The following NR2C1 variants were observed in gnomAD, a reference collection of about 807,000 sequenced individuals.
NR2C1 encodes nuclear receptor subfamily 2 group C member 1, also known as TR2 nuclear hormone receptor.
Under a neutral mutation model 74.8 loss-of-function variants are expected in NR2C1, and 33 were observed. The ratio of observed to expected loss-of-function variants is 0.44; its 90% CI spans 0.33 to 0.59. The LOEUF is 0.59. Ranked by LOEUF, NR2C1 falls within the 20% of genes least tolerant of loss-of-function variation. NR2C1 has a pLI of 0.02. For synonymous variants in NR2C1, 225 were observed against 240.6 expected (o/e 0.94, Z 0.60); for missense variants, 568 against 715.6 (o/e 0.79, Z 2.35).
chr12:95,043,773 A>G (rs1377806875), intron 9 of NR2C1, among the ~76,000 whole-genome samples: 1 of 152,178 alleles, frequency 6.6e-6, no homozygotes, highest in African/African-American at 2.4e-5. Context: ...AACACTGGAT[A>G]TAATGGTTTT....
chr12:95,039,483 A>G (rs958219548), intron 10 of NR2C1, among the ~76,000 whole-genome samples: 1 of 152,170 alleles, frequency 6.6e-6, no homozygotes, highest in African/African-American at 2.4e-5. Context: ...CTTTCTAACT[A>G]TGGGCTTAAC....
chr12:95,063,759 G>C (rs11611790), intron 2 of NR2C1, among the ~76,000 whole-genome samples: 2 of 152,114 alleles, frequency 1.3e-5, no homozygotes, highest in African/African-American at 4.8e-5. Flanking sequence ...GCCGGGTGCA[G>C]TGGCTCACGC....
At chr12:95,063,798 G>A (rs1399425947) in intron 2 of NR2C1, among the ~76,000 whole-genome samples, 1 of 152,180 alleles carries the variant, frequency 6.6e-6, no homozygotes, top group East Asian at 1.9e-4. Context: ...GGGAGGCTGA[G>A]GCAGGTGGAT....
At chr12:95,053,723 C>CA (rs1873397956) in intron 7 of NR2C1, among the ~76,000 whole-genome samples, 2 of 120,232 alleles carry the variant, frequency 1.7e-5, no homozygotes, top group Non-Finnish European at 3.2e-5. Context: ...CTTACTCTGT[C>CA]GCCAGGCTGG....
chr12:95,069,974 G>C (rs1488717768), intron 1 of NR2C1, among the ~76,000 whole-genome samples: 1 of 152,192 alleles, frequency 6.6e-6, no homozygotes, highest in Non-Finnish European at 1.5e-5. Flanking sequence ...ACCCTGAAGA[G>C]ATGAGAAAGA....
Position 95,033,049 on chromosome 12 carries a change from T to G in NR2C1, c.1254-1561A>C, listed in dbSNP as rs572174015. On this transcript the variant is annotated intron_variant, in intron 10 of 13. Transcript: ENST00000333003. ...CTCAGGAGGGTTGAGGTGGGAGGAC[T>G]GCTTGAGGCCAGGAGTTTGAAGGGG... is the stretch of plus-strand genomic sequence containing the variant. Among the ~76,000 whole-genome samples the G allele has an allele frequency of 5.3e-5, 8 of 151,628 alleles. 1 individual carries two copies. The East Asian group carries it at 1.6e-3, about 29-fold the overall frequency.
At chr12:95,045,672 A>G (rs1171230285) in intron 9 of NR2C1, among the ~76,000 whole-genome samples, 1 of 152,176 alleles carries the variant, frequency 6.6e-6, no homozygotes, top group African/African-American at 2.4e-5. Context: ...AATTTTAGAA[A>G]TAAGTATATG....
rs79760875 is a variant in NR2C1 at position 95,059,986 on chromosome 12, T to TAAAAAAAAAAAAAAAAAAAAAAAAAAAAA, written c.286-3_286-2insTTTTTTTTTTTTTTTTTTTTTTTTTTTTT. On this transcript the variant is annotated splice_region_variant and splice_polypyrimidine_tract_variant and intron_variant, in intron 3 of 13. Coordinates refer to ENST00000333003, the MANE Select transcript of NR2C1 (RefSeq NM_003297.4). Reference sequence around the variant, plus strand: ...GTCTGGAGAATTATCTGTTAGGAGCTAAAAAAAAAAAAAAAAAAAAAGAAA... The same window carrying TAAAAAAAAAAAAAAAAAAAAAAAAAAAAA: ...GTCTGGAGAATTATCTGTTAGGAGCTAAAAAAAAAAAAAAAAAAAAAAAAAAAAAAAAAAAAAAAAAAAAAAAAAAGAAA... 1.1e-6 allele frequency: 1 copy of TAAAAAAAAAAAAAAAAAAAAAAAAAAAAA among 943,894 alleles called. No homozygotes were observed. The allele number at this position is 943,894 out of a possible 1,614,324, so 58.5% of individuals were successfully genotyped here.
intron 9 of NR2C1, among the ~76,000 whole-genome samples, chr12:95,044,866 A>C (rs1206835645): frequency 6.6e-6 from 1 of 152,114 alleles, no homozygotes; most frequent in African/African-American, 2.4e-5. Flanking sequence ...TGGGCTATAG[A>C]GCCAGTCTGT....
chr12:95,056,910 G>T (rs571430130), intron 7 of NR2C1, among the ~76,000 whole-genome samples: 1 of 146,606 alleles, frequency 6.8e-6, no homozygotes, highest in African/African-American at 2.5e-5. Context: ...AGTGAGCCGA[G>T]ACTGTGCCAC....
chr12:95,062,786 T>A, intron 2 of NR2C1, 48 bp from the exon 3 acceptor site: 1 of 1,406,518 alleles, frequency 7.1e-7, no homozygotes, highest in Non-Finnish European at 1.0e-6. Context: ...AATTTTTCTT[T>A]AATGACACAA....
chr12:95,045,965 G>C (rs986340601), intron 9 of NR2C1, among the ~76,000 whole-genome samples: 3 of 151,932 alleles, frequency 2.0e-5, no homozygotes, highest in African/African-American at 7.3e-5. Flanking sequence ...TCAGCCTCCT[G>C]AGTAGCTGGG....
chr12:95,051,755 A>G lies in NR2C1; in HGVS notation c.965+7T>C, dbSNP rs1038006083. ...AAAAGGACATTGATAATCAAAAGAT[A>G]CCTTACCTTGAAACATCACCGTTGG... is the stretch of plus-strand genomic sequence containing the variant. On this transcript the variant is annotated splice_region_variant and intron_variant, in intron 8 of 13. Coordinates refer to ENST00000333003, the MANE Select transcript of NR2C1 (RefSeq NM_003297.4). 3.8e-6 allele frequency: 6 copies of G among 1,591,974 alleles called. No individual in the cohort carries two copies. The highest frequency in any genetic ancestry group is 1.7e-4 in the Middle Eastern group (1 of 6,034).
In NR2C1 at chr12:95,067,249, G is replaced by A. The variant is rs1198039398; in HGVS notation, c.54+82C>T. 10 of 1,051,750 alleles carry A rather than the reference G, an allele frequency of 9.5e-6. No individual in the cohort carries two copies. The Admixed American group carries it at 1.7e-4, about 18-fold the overall frequency. The allele number at this position is 1,051,750 out of a possible 1,614,324, so 65.2% of individuals were successfully genotyped here. On this transcript the variant is annotated intron_variant, in intron 2 of 13. Coordinates refer to ENST00000333003, the MANE Select transcript of NR2C1 (RefSeq NM_003297.4). ...AGTTAGGGAATATCTTTTATTTCTGGAACTCCAGAACCTGGTATATGCATT... is the reference window on the plus strand; with the variant it reads ...AGTTAGGGAATATCTTTTATTTCTGAAACTCCAGAACCTGGTATATGCATT...
intron 8 of NR2C1, 39 bp downstream of exon 8, chr12:95,051,723 T>C: frequency 6.5e-7 from 1 of 1,529,316 alleles, no homozygotes; most frequent in Non-Finnish European, 8.8e-7. Flanking sequence ...CTGAAAGACA[T>C]GTAAACAAAA....
At chr12:95,064,788 T>C (rs1221917070) in intron 2 of NR2C1, among the ~76,000 whole-genome samples, 3 of 152,242 alleles carry the variant, frequency 2.0e-5, no homozygotes, top group African/African-American at 7.2e-5. Flanking sequence ...AGTCCGTTTG[T>C]TTCTAATTTT....
intron 1 of NR2C1, among the ~76,000 whole-genome samples, chr12:95,072,426 T>C (rs1036109074): frequency 2.1e-5 from 3 of 142,006 alleles, no homozygotes; most frequent in Non-Finnish European, 4.5e-5. Flanking sequence ...GCACTCCAGC[T>C]TGGCGACAGT....
chr12:95,050,206 TC>T (rs1293476693), intron 8 of NR2C1, among the ~76,000 whole-genome samples: 1 of 152,122 alleles, frequency 6.6e-6, no homozygotes, highest in Non-Finnish European at 1.5e-5. Context: ...TCAAAATAGT[TC>T]CCCATATTTT....
intron 9 of NR2C1, among the ~76,000 whole-genome samples, chr12:95,041,709 C>G (rs1318041719): frequency 6.6e-6 from 1 of 152,080 alleles, no homozygotes; most frequent in Non-Finnish European, 1.5e-5. Context: ...GTACACACTA[C>G]CAAGGGTGGG....
Sources: allele counts gnomAD v4.1 joint callset (sites outside exome capture counted in the v4.1 genomes callset), GRCh38; gene constraint gnomAD v4.1.1; transcripts MANE v1.5; gene names NCBI Gene and HGNC (gene_info 2026-07-23, HGNC 2026-07-21).